Variants in PXDC1 observed in about 807,000 individuals in gnomAD.
The protein encoded by PXDC1 is PX domain containing 1.
A neutral mutation model predicts 24.4 loss-of-function variants in PXDC1; 13 were observed. That is an observed-to-expected ratio of 0.53 (90% CI 0.35 to 0.85). The LOEUF (loss-of-function observed/expected upper bound fraction) is 0.85. Among genes scored for constraint, PXDC1 ranks in the 40% least tolerant of loss-of-function variants. The probability of loss-of-function intolerance (pLI) is 0.01; values close to 1 mark genes in which losing one functional copy is unlikely to be tolerated. For missense variants in PXDC1, 344 were observed against 309.3 expected, an observed-to-expected ratio of 1.11 and a Z score of -0.84; for synonymous variants, 162 against 124.9, an observed-to-expected ratio of 1.30 and a Z score of -1.98.
intron 3 of PXDC1, among the ~76,000 whole-genome samples, chr6:3,731,869 C>T (rs891645717): frequency 6.6e-5 from 10 of 152,338 alleles, no homozygotes; most frequent in South Asian, 2.1e-4. Context: ...AGTGACGCTG[C>T]ATGAGACCTG....
chr6:3,738,851 G>C, intron 1 of PXDC1: 1 of 1,303,342 alleles, frequency 7.7e-7, no homozygotes, highest in Non-Finnish European at 1.0e-6. Flanking sequence ...GAGAAGCGCA[G>C]AGCAGAAGTC....
intron 1 of PXDC1, among the ~76,000 whole-genome samples, chr6:3,744,352 C>T (rs1453335525): frequency 2.6e-5 from 4 of 152,182 alleles, no homozygotes; most frequent in Non-Finnish European, 4.4e-5. Context: ...CCTCCTGGCA[C>T]GTCATGCTAG....
At chr6:3,726,010 C>T (rs987305816) in intron 4 of PXDC1, among the ~76,000 whole-genome samples, 7 of 152,184 alleles carry the variant, frequency 4.6e-5, no homozygotes, top group Non-Finnish European at 1.5e-5. Context: ...AAGAGCCACA[C>T]CTCTGGCCCG....
intron 1 of PXDC1, among the ~76,000 whole-genome samples, chr6:3,742,796 T>C (rs78715310): frequency 1.8e-4 from 28 of 152,314 alleles, no homozygotes; most frequent in Non-Finnish European, 3.2e-4. Context: ...GTAACACAAT[T>C]GTACATAAAT....
intron 1 of PXDC1, among the ~76,000 whole-genome samples, chr6:3,748,824 A>G (rs1032628342): frequency 7.9e-5 from 12 of 152,226 alleles, no homozygotes; most frequent in Admixed American, 1.3e-4. Context: ...GAAACAGTTC[A>G]ATCCATGTAA....
chr6:3,734,110 GAA>G (rs1561734002), intron 3 of PXDC1, among the ~76,000 whole-genome samples: 1 of 152,206 alleles, frequency 6.6e-6, no homozygotes, highest in South Asian at 2.1e-4. Flanking sequence ...AAAAGGCAAA[GAA>G]AACATACTTT....
chr6:3,735,749 G>T (rs1281337644), intron 3 of PXDC1, among the ~76,000 whole-genome samples: 8 of 152,096 alleles, frequency 5.3e-5, no homozygotes, highest in Admixed American at 5.2e-4. Context: ...CTGGAAGAGA[G>T]GATTTTGAAT....
chr6:3,728,509 G>C lies in PXDC1; in HGVS notation c.467-847C>G, dbSNP rs1412981946. Among the ~76,000 whole-genome samples the C allele has an allele frequency of 6.6e-6, 1 of 152,106 alleles. No individual in the cohort carries two copies. The highest frequency in any genetic ancestry group is 2.4e-5 in the African/African-American group (1 of 41,412). On this transcript the variant is annotated intron_variant, in intron 3 of 4. Transcript: ENST00000380283. The surrounding 1 kb of genome is among the most constrained non-coding windows in gnomAD (Gnocchi z 4.0). ...AGATTCGGGTAATTTAGAAAAGCCA[G>C]CAAAGAAAAACGACTTCCTACGTCC...
chr6:3,742,993 C>T (rs1760482500), intron 1 of PXDC1, among the ~76,000 whole-genome samples: 3 of 152,294 alleles, frequency 2.0e-5, no homozygotes, highest in South Asian at 4.1e-4. Flanking sequence ...GAACTGAACG[C>T]GCTGGAGGCA....
intron 1 of PXDC1, among the ~76,000 whole-genome samples, chr6:3,746,728 G>A (rs1760579892): frequency 6.6e-6 from 1 of 152,174 alleles, no homozygotes; most frequent in African/African-American, 2.4e-5. Flanking sequence ...CACTAAGAAA[G>A]TAAACTCCGT....
chr6:3,726,696 G>C (rs779932627), intron 4 of PXDC1, among the ~76,000 whole-genome samples: 4 of 152,230 alleles, frequency 2.6e-5, no homozygotes, highest in Admixed American at 6.5e-5. Context: ...GTTTCAATCT[G>C]CTGCTATGGA....
chr6:3,742,502 T>G (rs1399116757), intron 1 of PXDC1, among the ~76,000 whole-genome samples: 4 of 152,208 alleles, frequency 2.6e-5, no homozygotes, highest in African/African-American at 7.2e-5. Flanking sequence ...TTGCCTATTC[T>G]GCCAAGCGAA....
chr6:3,739,279 C>CT (rs1459690580), intron 1 of PXDC1: 1 of 355,578 alleles, frequency 2.8e-6, no homozygotes, highest in Non-Finnish European at 4.1e-6. Flanking sequence ...AAAGGCACTT[C>CT]TGCAAGAGTG....
At position 3,739,589 on chromosome 6, in the gene PXDC1, G is replaced by A. The variant is rs540880479; in HGVS notation, c.257-1441C>T. ...CTCTGTCCACGTGGCCTGTGCCTAC[G>A]CCCAAGCACGATGCCCTGGCCGTCA... On this transcript the variant is annotated intron_variant, in intron 1 of 4. Coordinates refer to ENST00000380283, the MANE Select transcript of PXDC1 (RefSeq NM_183373.4). Among the ~76,000 whole-genome samples the A allele has an allele frequency of 9.2e-5, 14 of 152,340 alleles. No homozygotes were observed. The South Asian group carries it at 1.2e-3, about 14-fold the overall frequency.
intron 1 of PXDC1, among the ~76,000 whole-genome samples, chr6:3,746,513 C>T (rs180749342): frequency 2.6e-4 from 39 of 152,256 alleles, no homozygotes; most frequent in Admixed American, 2.2e-3. Flanking sequence ...TCCAAGTCCC[C>T]TGAGAAGTAA....
chr6:3,750,888 G>T (rs1023232123), intron 1 of PXDC1, among the ~76,000 whole-genome samples: 8 of 152,128 alleles, frequency 5.3e-5, no homozygotes, highest in African/African-American at 1.9e-4. Flanking sequence ...TTCCCAGTGC[G>T]CCCGCCCGCC....
chr6:3,738,752 C>T (rs1225219433), intron 1 of PXDC1: 52 of 1,287,874 alleles, frequency 4.0e-5, no homozygotes, highest in Non-Finnish European at 5.3e-5. Context: ...TCACCACACA[C>T]CCGAGTGGCT....
At chr6:3,745,605 G>A (rs890576777) in intron 1 of PXDC1, among the ~76,000 whole-genome samples, 2 of 150,280 alleles carry the variant, frequency 1.3e-5, no homozygotes, top group Non-Finnish European at 3.0e-5. Flanking sequence ...GCCTGACTGT[G>A]TTCCCAGGTG....
At chr6:3,747,481 C>T (rs1760597376) in intron 1 of PXDC1, among the ~76,000 whole-genome samples, 1 of 152,138 alleles carries the variant, frequency 6.6e-6, no homozygotes, top group Admixed American at 6.5e-5. Context: ...TCCTGACCAA[C>T]AGTCTCCACA....
Sources: gnomAD v4.1 joint callset for allele counts (sites outside exome capture counted in the v4.1 genomes callset) on GRCh38, gnomAD v4.1.1 for gene constraint, Gnocchi (gnomAD v3.1) non-coding constraint, MANE v1.5 for transcripts, NCBI Gene and HGNC (gene_info 2026-07-23, HGNC 2026-07-21) for gene names.